ZRANB3: variants seen among roughly 807,000 people sequenced by gnomAD.
ZRANB3 encodes the protein zinc finger RANBP2-type containing 3.
Under a neutral mutation model 133.8 loss-of-function variants are expected in ZRANB3, and 125 were observed. That is an observed-to-expected ratio of 0.93 (90% confidence interval 0.81 to 1.08). The LOEUF (loss-of-function observed/expected upper bound fraction) is 1.08. Among genes scored for constraint, ZRANB3 ranks in the 50% least tolerant of loss-of-function variants. The probability of loss-of-function intolerance (pLI) is 0.00; values close to 1 mark genes in which losing one functional copy is unlikely to be tolerated. For synonymous variants in ZRANB3, 387 were observed against 432.7 expected, an observed-to-expected ratio of 0.89 and a Z score of 1.31; for missense variants, 1,229 against 1,275.5, an observed-to-expected ratio of 0.96 and a Z score of 0.56.
intron 1 of ZRANB3, among the ~76,000 whole-genome samples, chr2:135,508,804 T>TA (rs1216156625): frequency 2.6e-5 from 4 of 152,094 alleles, no homozygotes; most frequent in Admixed American, 2.0e-4. Flanking sequence ...ATAGGTTTAA[T>TA]TGCTACAAAA....
chr2:135,507,706 C>G (rs1044608110), intron 1 of ZRANB3, among the ~76,000 whole-genome samples: 1 of 151,368 alleles, frequency 6.6e-6, no homozygotes, highest in African/African-American at 2.4e-5. Context: ...CGCTGTAATC[C>G]CAACACTTTG....
At chr2:135,388,171 C>G (rs1234669950) in intron 3 of ZRANB3, among the ~76,000 whole-genome samples, 1 of 152,148 alleles carries the variant, frequency 6.6e-6, no homozygotes, top group African/African-American at 2.4e-5. Context: ...GGGGAACTCC[C>G]ATTTATAAAA....
At chr2:135,326,107 G>A (rs1230265022) in intron 6 of ZRANB3, among the ~76,000 whole-genome samples, 1 of 151,610 alleles carries the variant, frequency 6.6e-6, no homozygotes, top group Non-Finnish European at 1.5e-5. Context: ...CAAACTACAG[G>A]GAAAAAACTA....
intron 2 of ZRANB3, among the ~76,000 whole-genome samples, chr2:135,478,503 G>A (rs555608803): frequency 5.3e-5 from 8 of 152,158 alleles, no homozygotes; most frequent in South Asian, 2.1e-4. Flanking sequence ...TATATTTCAC[G>A]TAAGTGGTTA....
intron 2 of ZRANB3, among the ~76,000 whole-genome samples, chr2:135,481,417 T>G (rs1691799673): frequency 1.3e-5 from 2 of 152,210 alleles, no homozygotes; most frequent in Admixed American, 1.3e-4. Flanking sequence ...TGTCTTCTTT[T>G]GAGAAGTGTC....
At chr2:135,303,369 G>A (rs892245391) in intron 8 of ZRANB3, among the ~76,000 whole-genome samples, 7 of 151,978 alleles carry the variant, frequency 4.6e-5, no homozygotes, top group Non-Finnish European at 1.0e-4. Flanking sequence ...TTAATTCTAT[G>A]ACTCATTTCA....
intron 6 of ZRANB3, among the ~76,000 whole-genome samples, chr2:135,330,907 A>G (rs1684109001): frequency 6.6e-6 from 1 of 152,032 alleles, no homozygotes; most frequent in Non-Finnish European, 1.5e-5. Flanking sequence ...CCCTTTTATC[A>G]TTTTTTATTG....
At chr2:135,219,802 G>A (rs1184052408) in intron 15 of ZRANB3, among the ~76,000 whole-genome samples, 1 of 152,094 alleles carries the variant, frequency 6.6e-6, no homozygotes, top group Admixed American at 6.5e-5. Flanking sequence ...GTCTGCCAAT[G>A]GTACCACCTG....
At chr2:135,233,551 G>C (rs1254214113) in intron 12 of ZRANB3, among the ~76,000 whole-genome samples, 1 of 152,030 alleles carries the variant, frequency 6.6e-6, no homozygotes, top group Non-Finnish European at 1.5e-5. Context: ...GAGAAAGCTC[G>C]GGTTACCCAC....
intron 1 of ZRANB3, among the ~76,000 whole-genome samples, chr2:135,527,725 A>G (rs1240058620): frequency 6.6e-6 from 1 of 152,246 alleles, no homozygotes. Flanking sequence ...GTATCTATTC[A>G]GCCACAACCA....
chr2:135,271,639 G>A (rs1408373671), intron 10 of ZRANB3, 129 bp downstream of exon 10: 1 of 1,098,040 alleles, frequency 9.1e-7, no homozygotes, highest in Non-Finnish European at 1.3e-6. Flanking sequence ...CTCTGAAGAA[G>A]AATTACTATT....
At chr2:135,277,175 A>C (rs1376004757) in intron 8 of ZRANB3, among the ~76,000 whole-genome samples, 1 of 152,060 alleles carries the variant, frequency 6.6e-6, no homozygotes, top group African/African-American at 2.4e-5. Context: ...TTCCCAAAAC[A>C]GAAACAGGCT....
At chr2:135,444,758 T>G (rs1689940267) in intron 2 of ZRANB3, among the ~76,000 whole-genome samples, 1 of 152,210 alleles carries the variant, frequency 6.6e-6, no homozygotes, top group African/African-American at 2.4e-5. Context: ...AAACTGTGTA[T>G]AGTTTATAAC....
At chr2:135,357,455 C>A (rs1254673165) in intron 3 of ZRANB3, among the ~76,000 whole-genome samples, 4 of 152,196 alleles carry the variant, frequency 2.6e-5, no homozygotes, top group Non-Finnish European at 5.9e-5. Context: ...GCCACCACTC[C>A]CGGCTAACTT....
At chr2:135,419,771 G>C (rs1688754403) in intron 2 of ZRANB3, among the ~76,000 whole-genome samples, 1 of 150,762 alleles carries the variant, frequency 6.6e-6, no homozygotes, top group Admixed American at 6.6e-5. Context: ...CATAGGCAGT[G>C]TACCCAGAAT....
At chr2:135,523,613 T>C (rs1289120700) in intron 1 of ZRANB3, among the ~76,000 whole-genome samples, 7 of 152,234 alleles carry the variant, frequency 4.6e-5, no homozygotes, top group African/African-American at 7.2e-5. Flanking sequence ...ATTAAATCAT[T>C]TGATCCTCAC....
At chr2:135,449,057 C>G (rs1690152005) in intron 2 of ZRANB3, among the ~76,000 whole-genome samples, 1 of 152,122 alleles carries the variant, frequency 6.6e-6, no homozygotes, top group Non-Finnish European at 1.5e-5. Flanking sequence ...ATTTCTGAAG[C>G]TGTCATAAAA....
At chr2:135,499,468 G>T (rs1300506873) in intron 2 of ZRANB3, among the ~76,000 whole-genome samples, 1 of 151,958 alleles carries the variant, frequency 6.6e-6, no homozygotes, top group Non-Finnish European at 1.5e-5. Flanking sequence ...CATATCCAGA[G>T]TATACATATG....
intron 2 of ZRANB3, among the ~76,000 whole-genome samples, chr2:135,485,649 G>C (rs943522351): frequency 6.6e-6 from 1 of 152,122 alleles, no homozygotes; most frequent in Non-Finnish European, 1.5e-5. Flanking sequence ...GAGATATTGC[G>C]GGTTCCGTTC....
Sources: gnomAD v4.1 joint callset for allele counts (sites outside exome capture counted in the v4.1 genomes callset) on GRCh38, gnomAD v4.1.1 for gene constraint, MANE v1.5 for transcripts, NCBI Gene and HGNC (gene_info 2026-07-23, HGNC 2026-07-21) for gene names.